The following ITFG2 variants were observed in gnomAD, a reference collection of about 807,000 sequenced individuals.
ITFG2 encodes KICSTOR complex protein ITFG2.
ITFG2 carries 36 observed loss-of-function variants against 54.4 expected under a neutral mutation model. The ratio of observed to expected loss-of-function variants is 0.66; its 90% confidence interval spans 0.51 to 0.87. The LOEUF (loss-of-function observed/expected upper bound fraction) is 0.87, where lower values mean the gene tolerates loss of function less well. ITFG2 is among the 40% of genes least tolerant of loss of function. The pLI, the probability that ITFG2 is intolerant of heterozygous loss-of-function variation, is 0.00. For missense variants in ITFG2, 524 were observed against 576.7 expected, an observed-to-expected ratio of 0.91 and a Z score of 0.94; for synonymous variants, 211 against 225.4, an observed-to-expected ratio of 0.94 and a Z score of 0.57.
chr12:2,830,585 T>C, intron 2 of ITFG2: 1 of 1,072,892 alleles, frequency 9.3e-7, no homozygotes, highest in South Asian at 1.7e-5. Context: ...AGGTCCAGGC[T>C]AGGGAGAGAG....
At chr12:2,854,331 T>C (rs1180949071) in intron 2 of ITFG2, among the ~76,000 whole-genome samples, 1 of 152,228 alleles carries the variant, frequency 6.6e-6, no homozygotes, top group Non-Finnish European at 1.5e-5. Flanking sequence ...TGCCATAACA[T>C]CTAACTTTTG....
chr12:2,855,972 T>G (rs2098086022), intron 2 of ITFG2, among the ~76,000 whole-genome samples: 1 of 151,930 alleles, frequency 6.6e-6, no homozygotes, highest in South Asian at 2.1e-4. Context: ...ACTGACGCTT[T>G]CCTCCCACTC....
intron 5 of ITFG2, 148 bp from the exon 6 acceptor site, chr12:2,820,576 C>T: frequency 2.7e-6 from 2 of 736,392 alleles, no homozygotes; most frequent in Admixed American, 2.7e-5. Context: ...CTTCCTCCTG[C>T]TGCTACCCTT....
At chr12:2,820,619 C>A in intron 5 of ITFG2, 105 bp from the exon 6 acceptor site, 1 of 545,898 alleles carries the variant, frequency 1.8e-6, no homozygotes, top group South Asian at 1.8e-5. Flanking sequence ...GGACTGCTGC[C>A]CTGCCCCTGC....
At chr12:2,858,835 C>T (rs369158837) in intron 3 of ITFG2, 54 of 1,613,914 alleles carry the variant, frequency 3.3e-5, no homozygotes, top group African/African-American at 4.0e-5. Context: ...GGCTTGGGGA[C>T]GTCTATATCT....
At chr12:2,827,208 C>G, downstream of ITFG2, 1 of 1,614,142 alleles carries the variant, frequency 6.2e-7, no homozygotes, top group Non-Finnish European at 8.5e-7. The surrounding 1 kb of genome is among the most constrained non-coding windows in gnomAD (Gnocchi z 4.0). Context: ...AGACAGCAGT[C>G]ACTGGCCAGG....
chr12:2,828,882 A>G (rs1029798763), downstream of ITFG2, among the ~76,000 whole-genome samples: 2 of 152,052 alleles, frequency 1.3e-5, no homozygotes, highest in African/African-American at 2.4e-5. Context: ...GACTCATACA[A>G]TAGGGGCAGA....
At position 2,817,265 on chromosome 12, in the gene ITFG2, G is replaced by A. The variant is rs184942906; in HGVS notation, c.139G>A (p.Val47Met). Residue 47 changes from valine (V) to methionine (M), a missense_variant, in exon 2 of 12, where the codon GTG (valine) becomes ATG (methionine). Val to Met is a conservative substitution (Grantham distance 21). Coordinates refer to ENST00000228799, the MANE Select transcript of ITFG2 (RefSeq NM_018463.4). ...GGGAGACACCAGCGGGAAGGTGTCT[G>A]TGTATAAAAATGATGACAGTCGGCC... ...VVGDTSGKVS[V>M]YKNDDSRPWL... The A allele has an allele frequency of 4.3e-6, 7 of 1,614,050 alleles. No homozygotes were observed. Among genetic ancestry groups the A allele is most frequent in the Non-Finnish European group, 5.9e-6 (7 of 1,179,968 alleles).
Position 2,821,557 on chromosome 12 carries a change from A to T in ITFG2, c.808A>T (p.Ser270Cys). ...GNIKQGHGTE[S>C]SGSGLFALCT... ...GGTCCTCACAGGCCACGGCACTGAG[A>T]GTAGTGGCTCTGGCCTCTTTGCCCT... Residue 270 changes from serine to cysteine, a missense_variant, in exon 8 of 12, where the codon AGT becomes TGT. Transcript: ENST00000228799. 6.2e-7 allele frequency: 1 copy of T among 1,614,138 alleles called. No individual in the cohort carries two copies. Among genetic ancestry groups the T allele is most frequent in the Non-Finnish European group, 8.5e-7 (1 of 1,180,020 alleles).
In ITFG2 at chr12:2,858,518, G is replaced by GA. The variant is rs1489020776; in HGVS notation, n.620+187_620+188insA. 2.6e-3 allele frequency: 2,123 copies of GA among 816,118 alleles called. 8 individuals carry two copies. Among genetic ancestry groups the GA allele is most frequent in the Non-Finnish European group, 3.5e-3 (1,841 of 529,696 alleles). 50.6% of individuals were successfully genotyped at this position (816,118 alleles called of 1,614,324 possible). On this transcript the variant is annotated intron_variant and non_coding_transcript_variant, in intron 3 of 3. Coordinates refer to the ITFG2 transcript ENST00000537710. ...GCTACTTTTGCATAATCAGGCAGCA[G>GA]GGAGCTATGAGGAGCAGAACAGTCC...
At chr12:2,839,201 G>C (rs2153926960) in intron 1 of ITFG2, among the ~76,000 whole-genome samples, 1 of 152,182 alleles carries the variant, frequency 6.6e-6, no homozygotes, top group East Asian at 1.9e-4. Flanking sequence ...TGAAGTGGGG[G>C]AATCACTTGA....
intron 2 of ITFG2, 27 bp downstream of exon 2, chr12:2,817,345 A>AG (rs769589679): frequency 2.0e-5 from 30 of 1,523,552 alleles, no homozygotes; most frequent in Non-Finnish European, 2.1e-5. Context: ...CTGGGCCTGG[A>AG]GGGGGGAAGG....
At chr12:2,858,302 A>G in exon 3 of ITFG2, 1 of 265,962 alleles carries the variant, frequency 3.8e-6, no homozygotes, top group Non-Finnish European at 7.1e-6. Flanking sequence ...TATACTATTT[A>G]CACGGACCAC....
In ITFG2 at chr12:2,822,379, G is replaced by A. The variant is rs147835335; in HGVS notation, c.949-415G>A. Reference sequence around the variant, plus strand: ...GAAAAGTTACTGTAAGAGCCTGGAAGTGTGTTATTCATCCCAACTCCAGAG... The same window carrying A: ...GAAAAGTTACTGTAAGAGCCTGGAAATGTGTTATTCATCCCAACTCCAGAG... On this transcript the variant is annotated intron_variant, in intron 9 of 11. Transcript: ENST00000228799. Among the ~76,000 whole-genome samples, 563 of 152,314 alleles carry A rather than the reference G, an allele frequency of 3.7e-3. 3 individuals are homozygous for A. The highest frequency in any genetic ancestry group is 0.012 in the African/African-American group (504 of 41,570).
In ITFG2 at chr12:2,818,220, C is replaced by T; in HGVS notation, c.349C>T (p.Pro117Ser). The T allele has an allele frequency of 2.5e-6, 4 of 1,614,012 alleles. No homozygotes were observed. Among genetic ancestry groups the T allele is most frequent in the Non-Finnish European group, 3.4e-6 (4 of 1,180,032 alleles). Residue 117 changes from proline to serine, a missense_variant, in exon 4 of 12, where the codon CCA (proline) becomes TCA (serine). Pro to Ser is a moderately conservative substitution (Grantham distance 74). Transcript: ENST00000228799. ...HETLIGEEQR[P>S]VFKQHIPANT... ...GACACTAATCGGAGAGGAGCAGCGT[C>T]CAGTCTTCAAGCAGCACATCCCTGC... is the stretch of plus-strand genomic sequence containing the variant.
At chr12:2,823,320 G>C (rs955552409) in intron 10 of ITFG2, among the ~76,000 whole-genome samples, 2 of 152,140 alleles carry the variant, frequency 1.3e-5, no homozygotes, top group African/African-American at 2.4e-5. Context: ...TTCTCCTAGA[G>C]CATTTTCATT....
Position 2,821,287 on chromosome 12 carries a change from G to T in ITFG2, c.721G>T (p.Val241Leu). 1 of 1,609,568 alleles carries T rather than the reference G, an allele frequency of 6.2e-7. No homozygotes were observed. The highest frequency in any genetic ancestry group is 1.7e-4 in the Middle Eastern group (1 of 6,052). Residue 241 changes from valine to leucine, a missense_variant, in exon 7 of 12, where the codon GTG (valine) becomes TTG (leucine). Physicochemically the swap from Val to Leu is conservative, Grantham distance 32 (BLOSUM62 1). Coordinates refer to ENST00000228799, the MANE Select transcript of ITFG2 (RefSeq NM_018463.4). ...GGAGACCCCAGCTGCCCGAGACGTG[G>T]TGCTGCACCAGACATCTGGCCGTAT... ...SRETPAARDV[V>L]LHQTSGRIHN...
chr12:2,842,120 CTTT>C (rs71057841), intron 2 of ITFG2, among the ~76,000 whole-genome samples: 1 of 108,718 alleles, frequency 9.2e-6, no homozygotes, highest in Non-Finnish European at 1.7e-5. Flanking sequence ...TCACTTGTTT[CTTT>C]TTTTTTTTTT....
chr12:2,815,170 A>T (rs2097918674), intron 1 of ITFG2, among the ~76,000 whole-genome samples: 1 of 152,164 alleles, frequency 6.6e-6, no homozygotes, highest in Admixed American at 6.5e-5. Context: ...AATAAATTCC[A>T]ATTTGTTTCT....
Sources: gnomAD v4.1 joint callset for allele counts (sites outside exome capture counted in the v4.1 genomes callset) on GRCh38, gnomAD v4.1.1 for gene constraint, Gnocchi (gnomAD v3.1) non-coding constraint, MANE v1.5 for transcripts, NCBI Gene and HGNC (gene_info 2026-07-23, HGNC 2026-07-21) for gene names.